The following COG4 variants were observed in gnomAD, a reference collection of about 807,000 sequenced individuals.
COG4 encodes component of oligomeric golgi complex 4, also known as conserved oligomeric Golgi complex subunit 4.
In COG4, 65 loss-of-function variants were observed where a neutral mutation model predicts 95.1. The ratio of observed to expected loss-of-function variants is 0.68; its 90% CI spans 0.56 to 0.84. The LOEUF (loss-of-function observed/expected upper bound fraction) is 0.84, where lower values mean the gene tolerates loss of function less well. COG4 is among the 40% of genes least tolerant of loss of function. COG4 has a pLI of 0.00. For missense variants in COG4, 1,045 were observed against 989.1 expected (o/e 1.06, Z -0.76); for synonymous variants, 421 against 374.8 (o/e 1.12, Z -1.42).
At position 70,498,142 on chromosome 16, in the gene COG4, G is replaced by T. The variant is rs865829145; in HGVS notation, c.1196-87C>A. On this transcript the variant is annotated intron_variant, in intron 9 of 18. Transcript: ENST00000323786. ...TTTCATTTTTTCAGGTTCCTTTATA[G>T]TCTTTCTTTGAAATATGTACATATT... 1.1e-4 allele frequency: 86 copies of T among 796,884 alleles called. No homozygotes were observed. The African/African-American group carries it at 1.2e-3, about 11-fold the overall frequency. The allele number at this position is 796,884 out of a possible 1,614,324, so 49.4% of individuals were successfully genotyped here. A position where few individuals can be genotyped will look rare whatever the true frequency, so the allele number is the denominator to read the frequency against.
chr16:70,480,805 A>G lies in COG4; in HGVS notation c.*205T>C, dbSNP rs986664571. On this transcript the variant is annotated 3_prime_UTR_variant, in exon 19 of 19. Transcript: ENST00000323786. ...TAGGAGCCCGCTTCTCTCGGTGGGG[A>G]GATGCTGCCCCCAGAGCATCACCTG... 31 of 547,658 alleles carry G rather than the reference A, an allele frequency of 5.7e-5. No individual in the cohort carries two copies. The highest frequency in any genetic ancestry group is 8.0e-5 in the Non-Finnish European group (25 of 311,136). 33.9% of individuals were successfully genotyped at this position (547,658 alleles called of 1,614,324 possible).
intron 13 of COG4, among the ~76,000 whole-genome samples, chr16:70,489,337 C>G (rs758058965): frequency 6.6e-6 from 1 of 151,314 alleles, no homozygotes; most frequent in Non-Finnish European, 1.5e-5. Flanking sequence ...TCTGCCTCAG[C>G]CTCCCGAGTA....
chr16:70,508,942 C>G, intron 7 of COG4: 2 of 544,504 alleles, frequency 3.7e-6, no homozygotes, highest in Non-Finnish European at 6.7e-6. Context: ...TTAGAGGGCA[C>G]TGTTGCACAT....
rs68141616 is a variant in COG4, at chr16:70,500,365, C to CTTTTTTTTTT, written c.1195+583_1195+592dup. Among the ~76,000 whole-genome samples the CTTTTTTTTTT allele has an allele frequency of 7.7e-3, 743 of 96,130 alleles. 53 individuals are homozygous for CTTTTTTTTTT. The highest frequency in any genetic ancestry group is 0.035 in the African/African-American group (692 of 19,988). 63.1% of individuals were successfully genotyped at this position (96,130 alleles called of 152,430 possible). ...AGAGGATTCCTGTACATTATATACT[C>CTTTTTTTTTT]TTTTTTTTTTTTTTTTTTTTTGAGA... On this transcript the variant is annotated intron_variant, in intron 9 of 18. Transcript: ENST00000323786.
rs943659085 is a variant in COG4, at chr16:70,481,879, G to T, written c.2005-14C>A. On this transcript the variant is annotated splice_polypyrimidine_tract_variant and intron_variant, in intron 16 of 18. Coordinates refer to ENST00000323786, the MANE Select transcript of COG4 (RefSeq NM_015386.3). The stretch of plus-strand genomic sequence containing the variant: ...GGACAGGCTGGCCTGCACACAGAGG[G>T]TTGACATCAGCCGAGCCCCACCTAA... 1 of 1,608,828 alleles carries T rather than the reference G, an allele frequency of 6.2e-7. No individual in the cohort carries two copies. The highest frequency in any genetic ancestry group is 1.1e-5 in the South Asian group (1 of 90,668).
chr16:70,523,264 CT>C, intron 1 of COG4, 108 bp downstream of exon 1: 4 of 1,385,320 alleles, frequency 2.9e-6, no homozygotes, highest in Non-Finnish European at 3.1e-6. Flanking sequence ...TGTTTTCCCG[CT>C]TTTTTGTATC....
At position 70,520,164 on chromosome 16, in the gene COG4, G is replaced by A. The variant is rs183121516; in HGVS notation, c.172-433C>T. ...AAAAATACAAAATTAGGCTGGGCGC[G>A]GCGGCTTACGTCGGTAATCCCAGCA... On this transcript the variant is annotated intron_variant, in intron 1 of 18. Coordinates refer to ENST00000323786, the MANE Select transcript of COG4 (RefSeq NM_015386.3). Among the ~76,000 whole-genome samples, 332 of 152,114 alleles carry A rather than the reference G, an allele frequency of 2.2e-3. 1 individual carries two copies. Among genetic ancestry groups the A allele is most frequent in the Middle Eastern group, 0.017 (5 of 294 alleles).
chr16:70,500,150 T>G (rs1040845322), intron 9 of COG4, among the ~76,000 whole-genome samples: 4 of 151,790 alleles, frequency 2.6e-5, no homozygotes, highest in African/African-American at 9.7e-5. Flanking sequence ...TATCTTTTAA[T>G]ATAGTGACAG....
At chr16:70,514,537 A>G (rs765316609) in intron 3 of COG4, 28 bp from the exon 4 acceptor site, 25 of 1,608,322 alleles carry the variant, frequency 1.6e-5, no homozygotes, top group African/African-American at 4.0e-5. Flanking sequence ...ACTTACAAAC[A>G]ATGTCCTATT....
intron 3 of COG4, among the ~76,000 whole-genome samples, chr16:70,517,075 T>C (rs534449881): frequency 2.6e-5 from 4 of 152,092 alleles, no homozygotes; most frequent in African/African-American, 9.7e-5. Context: ...ATTTTTGTAT[T>C]TTTTGTAGAG....
rs1487784247 is a variant in COG4 at position 70,519,174 on chromosome 16, C to T, written c.254+475G>A. ...TCGCTCTGTTGCCCAGGCCAGACTG[C>T]GGACTGCAGTGGCGCAATCTCGGCT... On this transcript the variant is annotated intron_variant, in intron 2 of 18. Transcript: ENST00000323786. Among the ~76,000 whole-genome samples, 9 of 34,344 alleles carry T rather than the reference C, an allele frequency of 2.6e-4. 3 individuals carry two copies. The highest frequency in any genetic ancestry group is 2.3e-3 in the East Asian group (2 of 888). The allele number at this position is 34,344 out of a possible 152,430, so 22.5% of individuals were successfully genotyped here.
intron 15 of COG4, chr16:70,482,491 C>T: frequency 1.6e-6 from 1 of 611,628 alleles, no homozygotes; most frequent in Non-Finnish European, 2.9e-6. Context: ...ATAGGCGGGG[C>T]AAAAAGAGCT....
rs766827327 is a variant in COG4, at chr16:70,481,804, A to G, written c.2066T>C (p.Val689Ala). The G allele has an allele frequency of 8.7e-6, 14 of 1,613,900 alleles. No homozygotes were observed. The Admixed American group carries it at 2.3e-4, about 27-fold the overall frequency. The part of the protein sequence containing the change: ...LTGLMTSLVA[V>A]ELEKVVLKST... ...TTTCAGCACCACTTTCTCCAACTCG[A>G]CGGCAACAAGGCTAGTCATGAGGCC... Residue 689 changes from valine to alanine, a missense_variant, in exon 17 of 19, where the codon GTC becomes GCC. Coordinates refer to ENST00000323786, the MANE Select transcript of COG4 (RefSeq NM_015386.3).
intron 12 of COG4, among the ~76,000 whole-genome samples, chr16:70,495,847 C>T (rs2049329654): frequency 1.3e-5 from 2 of 152,230 alleles, no homozygotes; most frequent in South Asian, 4.1e-4. Context: ...AAGACATGTA[C>T]TAGCAGAGCA....
intron 8 of COG4, among the ~76,000 whole-genome samples, chr16:70,506,364 C>T (rs2049566775): frequency 1.3e-5 from 2 of 151,818 alleles, no homozygotes; most frequent in South Asian, 2.1e-4. Context: ...GATCGTGCCA[C>T]TGCACTCCAG....
At chr16:70,497,107 G>A in intron 11 of COG4, 114 bp downstream of exon 11, 4 of 1,038,580 alleles carry the variant, frequency 3.9e-6, no homozygotes, top group Non-Finnish European at 5.9e-6. Context: ...AGGAGCTGAT[G>A]TCCTGTATAG....
chr16:70,481,561 T>TGGGTGGCAAGGCCCGCCAGGCCTCAGG, intron 17 of COG4, 74 bp from the exon 18 acceptor site: 1 of 1,604,360 alleles, frequency 6.2e-7, no homozygotes. Context: ...CCCCCAGAGC[T>TGGGTGGCAAGGCCCGCCAGGCCTCAGG]GGGTGGCAAG....
intron 12 of COG4, among the ~76,000 whole-genome samples, chr16:70,491,190 G>A (rs1164930246): frequency 1.3e-5 from 2 of 152,116 alleles, no homozygotes; most frequent in Non-Finnish European, 2.9e-5. Flanking sequence ...ATCAAGCCCA[G>A]TGCACGGGAG....
intron 13 of COG4, among the ~76,000 whole-genome samples, chr16:70,486,111 G>A: frequency 6.6e-6 from 1 of 150,922 alleles, no homozygotes; most frequent in East Asian, 2.0e-4. Context: ...TAGCCAGGAT[G>A]GTCTCGATCT....
Sources: gnomAD v4.1 joint callset for allele counts (sites outside exome capture counted in the v4.1 genomes callset) on GRCh38, gnomAD v4.1.1 for gene constraint, MANE v1.5 for transcripts, NCBI Gene and HGNC (gene_info 2026-07-23, HGNC 2026-07-21) for gene names.